The following CSMD2 variants were observed in gnomAD, a reference collection of about 807,000 sequenced individuals.
CSMD2 encodes CUB and sushi domain-containing protein 2.
CSMD2 carries 130 observed loss-of-function variants against 398.5 expected under a neutral mutation model. That is an observed-to-expected ratio of 0.33 (90% CI 0.28 to 0.38). The LOEUF (loss-of-function observed/expected upper bound fraction) is 0.38. Among genes scored for constraint, CSMD2 ranks in the 10% least tolerant of loss-of-function variants. The pLI is 1.00. For synonymous variants in CSMD2, 1,828 were observed against 1,908.5 expected, an observed-to-expected ratio of 0.96 and a Z score of 1.10; for missense variants, 3,829 against 4,764.9, an observed-to-expected ratio of 0.80 and a Z score of 5.78.
chr1:33,781,951 G>A (rs1652826269), intron 12 of CSMD2, among the ~76,000 whole-genome samples: 1 of 151,486 alleles, frequency 6.6e-6, no homozygotes, highest in African/African-American at 2.4e-5. Context: ...GGAAGCAAAT[G>A]CCCCAATTTT....
intron 5 of CSMD2, among the ~76,000 whole-genome samples, chr1:33,879,887 C>T (rs184178556): frequency 5.9e-5 from 9 of 152,204 alleles, no homozygotes; most frequent in East Asian, 1.9e-4. Context: ...TTTAGCATAG[C>T]GCATCACACC....
intron 1 of CSMD2, among the ~76,000 whole-genome samples, chr1:34,126,330 C>T (rs1349214814): frequency 6.6e-6 from 1 of 152,196 alleles, no homozygotes; most frequent in Non-Finnish European, 1.5e-5. Flanking sequence ...GCTGAGCCCA[C>T]CTAGCACATA....
At chr1:34,006,853 C>A (rs77552897) in intron 3 of CSMD2, among the ~76,000 whole-genome samples, 1,841 of 152,118 alleles carry the variant, frequency 0.012, 33 homozygotes, top group African/African-American at 0.043. Context: ...GTAAAGGCCC[C>A]CAAGGAGTAT....
chr1:33,962,318 A>G (rs1334039679), intron 3 of CSMD2, among the ~76,000 whole-genome samples: 2 of 152,004 alleles, frequency 1.3e-5, no homozygotes, highest in Non-Finnish European at 2.9e-5. Flanking sequence ...GTTGCTACTT[A>G]GGGGGCTTGC....
rs761180145 is a variant in CSMD2, at chr1:34,089,167, C to T, written c.214G>A (p.Gly72Ser). ...AGQNCTFQLH[G>S]PNGTVESPGF... is the part of the protein sequence containing the mutation. Reference sequence around the variant, plus strand: ...GGGCTCTCAACTGTCCCATTGGGACCGTGCAGTTGGAACGTGCAGTTCTGG... The same window carrying T: ...GGGCTCTCAACTGTCCCATTGGGACTGTGCAGTTGGAACGTGCAGTTCTGG... The change falls in exon 2 of 71, where the codon GGT (glycine) becomes AGT (serine). Residue 72 changes from glycine to serine, a missense_variant. Around this residue, in one of 5 missense-constraint regions of CSMD2, gnomAD observed 184 missense variants for 217.7 expected, o/e 0.85. Coordinates refer to ENST00000373381, the MANE Select transcript of CSMD2 (RefSeq NM_001281956.2). 27 of 1,613,990 alleles carry T rather than the reference C, an allele frequency of 1.7e-5. No homozygotes were observed. Among genetic ancestry groups the T allele is most frequent in the Admixed American group, 6.7e-5 (4 of 59,998 alleles).
At chr1:33,763,746 C>A (rs1018082222) in intron 13 of CSMD2, among the ~76,000 whole-genome samples, 1 of 152,274 alleles carries the variant, frequency 6.6e-6, no homozygotes. Flanking sequence ...CCAAGCCCAG[C>A]TAAGCATGAT....
rs1641713843 is a variant in CSMD2 at position 34,164,760 on chromosome 1, G to C, written c.187+151C>G. 1 of 647,358 alleles carries C rather than the reference G, an allele frequency of 1.5e-6. No homozygotes were observed. The highest frequency in any genetic ancestry group is 2.1e-6 in the Non-Finnish European group (1 of 468,764). 40.1% of individuals were successfully genotyped at this position (647,358 alleles called of 1,614,324 possible). A position where few individuals can be genotyped will look rare whatever the true frequency, so the allele number is the denominator to read the frequency against. On this transcript the variant is annotated intron_variant, in intron 1 of 70. Coordinates refer to ENST00000373381, the MANE Select transcript of CSMD2 (RefSeq NM_001281956.2). The surrounding 1 kb of genome is among the most constrained non-coding windows in gnomAD (Gnocchi z 6.2). ...GGGTGGGGTGGGAGACGGAGGCAGG[G>C]ATGAGAATGAGAGTAGGCAACTGGG...
chr1:33,725,124 G>C (rs75597499), intron 17 of CSMD2, among the ~76,000 whole-genome samples: 65 of 152,350 alleles, frequency 4.3e-4, no homozygotes, highest in Admixed American at 7.8e-4. Context: ...AGGTCTGCAC[G>C]CAAGGGCCTA....
rs1417167749 is a variant in CSMD2, at chr1:33,546,274, G to A, written c.8918-55C>T. 3.3e-5 allele frequency: 51 copies of A among 1,538,082 alleles called. No homozygotes were observed. In the Middle Eastern group the frequency reaches 5.2e-4, roughly 16 times the overall value. On this transcript the variant is annotated intron_variant, in intron 56 of 70. Transcript: ENST00000373381. ...ATTTTTCAGGGAAGAAAAGGGAGTG[G>A]AGAAGCAGGGGAGAAAGATACTGGG...
intron 4 of CSMD2, among the ~76,000 whole-genome samples, chr1:33,928,110 A>C (rs1384983701): frequency 6.6e-6 from 1 of 152,170 alleles, no homozygotes; most frequent in Non-Finnish European, 1.5e-5. Context: ...TCACAGCATC[A>C]TTGTGAGTCT....
intron 4 of CSMD2, among the ~76,000 whole-genome samples, chr1:33,921,857 T>G (rs192501433): frequency 1.3e-5 from 2 of 152,072 alleles, no homozygotes; most frequent in African/African-American, 4.8e-5. Context: ...ATGAAAGATA[T>G]GGTTTGGTGG....
At chr1:33,998,815 G>A (rs1363757476) in intron 3 of CSMD2, among the ~76,000 whole-genome samples, 2 of 152,174 alleles carry the variant, frequency 1.3e-5, no homozygotes, top group Non-Finnish European at 2.9e-5. Flanking sequence ...CCTGAGCAGG[G>A]CCCTGTATGA....
intron 12 of CSMD2, among the ~76,000 whole-genome samples, chr1:33,783,086 T>A (rs557406797): frequency 1.5e-4 from 23 of 151,990 alleles, no homozygotes; most frequent in South Asian, 4.2e-4. Flanking sequence ...TGACAGAATC[T>A]GGGAATGGAG....
At chr1:34,136,088 T>C (rs2148512001) in intron 1 of CSMD2, among the ~76,000 whole-genome samples, 1 of 152,168 alleles carries the variant, frequency 6.6e-6, no homozygotes, top group East Asian at 1.9e-4. Context: ...ATTAGGTCAT[T>C]TGGGTAACTG....
Position 33,788,704 on chromosome 1 carries a change from C to A in CSMD2, c.1559G>T (p.Gly520Val), listed in dbSNP as rs1436175960. The A allele has an allele frequency of 1.2e-6, 2 of 1,608,460 alleles. No homozygotes were observed. The highest frequency in any genetic ancestry group is 1.1e-5 in the South Asian group (1 of 90,960). ...DQKTVLYILT[G>V]TSVPDLIVST... Reference sequence around the variant, plus strand: ...GACAATGAGATCCGGGACCGATGTACCTGTCAGGCTGGCAGGAGAGAGATA... The same window carrying A: ...GACAATGAGATCCGGGACCGATGTAACTGTCAGGCTGGCAGGAGAGAGATA... Residue 520 changes from glycine to valine, a missense_variant, in exon 12 of 71, where the codon GGT (glycine) becomes GTT (valine). Gly to Val is a moderately radical substitution (Grantham distance 109, BLOSUM62 -3). Transcript: ENST00000373381.
At position 33,577,429 on chromosome 1, in the gene CSMD2, G is replaced by A; in HGVS notation, c.7443C>T (p.Thr2481=). The A allele has an allele frequency of 6.2e-7, 1 of 1,614,108 alleles. No homozygotes were observed. The highest frequency in any genetic ancestry group is 8.5e-7 in the Non-Finnish European group (1 of 1,179,986). ...GGATGGAGCCCCCGGGCTGGGTGCT[G>A]GTCTGGCCTAGGATGAAGCCATGGA... ...APLHGFILGQ[T]STQPGGSIHF... is the part of the protein sequence containing the mutation. Residue 2481 remains threonine (T), a synonymous_variant, in exon 49 of 71, where the codon ACC becomes ACT. Coordinates refer to ENST00000373381, the MANE Select transcript of CSMD2 (RefSeq NM_001281956.2).
intron 7 of CSMD2, among the ~76,000 whole-genome samples, chr1:33,824,095 G>A (rs1321360607): frequency 1.3e-5 from 2 of 152,190 alleles, no homozygotes; most frequent in African/African-American, 4.8e-5. Context: ...AAACATTAGT[G>A]TCTGGGGTAA....
intron 5 of CSMD2, among the ~76,000 whole-genome samples, chr1:33,900,594 T>A (rs1319373413): frequency 2.0e-5 from 3 of 152,140 alleles, no homozygotes; most frequent in Non-Finnish European, 2.9e-5. Flanking sequence ...CTGGCCAACA[T>A]GGTGAAACCT....
intron 3 of CSMD2, among the ~76,000 whole-genome samples, chr1:33,958,443 G>T (rs117202118): frequency 6.6e-6 from 1 of 152,160 alleles, no homozygotes; most frequent in Non-Finnish European, 1.5e-5. Context: ...ATGATGGGCT[G>T]TCACACCCAT....
Sources: allele counts gnomAD v4.1 joint callset (sites outside exome capture counted in the v4.1 genomes callset), GRCh38; gene constraint gnomAD v4.1.1; regional missense constraint gnomAD v4.1.1; non-coding constraint Gnocchi (gnomAD v3.1); transcripts MANE v1.5; gene names NCBI Gene and HGNC (gene_info 2026-07-23, HGNC 2026-07-21).